ZFHX3: variants seen among roughly 807,000 people sequenced by gnomAD.
ZFHX3 encodes the protein zinc finger homeobox protein 3.
In ZFHX3, 42 loss-of-function variants were observed where a neutral mutation model predicts 279.1. The ratio of observed to expected loss-of-function variants is 0.15; its 90% CI spans 0.12 to 0.19. The LOEUF (loss-of-function observed/expected upper bound fraction) is 0.19, where lower values mean the gene tolerates loss of function less well. Among genes scored for constraint, ZFHX3 ranks in the 10% least tolerant of loss-of-function variants. The pLI is 1.00. For missense variants in ZFHX3, 4,981 were observed against 4,754.0 expected (o/e 1.05, Z -1.40); for synonymous variants, 2,293 against 1,957.8 (o/e 1.17, Z -4.52).
chr16:73,197,935 T>TTTG (rs1214998871), intron 5 of ZFHX3, among the ~76,000 whole-genome samples: 1 of 130,338 alleles, frequency 7.7e-6, no homozygotes, highest in Non-Finnish European at 1.6e-5. Context: ...TTTTTTTTTT[T>TTTG]TTTTTTTTTT....
At chr16:73,333,981 G>T (rs2015857412) in intron 3 of ZFHX3, among the ~76,000 whole-genome samples, 1 of 152,138 alleles carries the variant, frequency 6.6e-6, no homozygotes, top group Non-Finnish European at 1.5e-5. Flanking sequence ...TCTAGTCTGG[G>T]ATGCTGGTTT....
At chr16:73,604,266 TC>T (rs2052155070) in intron 2 of ZFHX3, among the ~76,000 whole-genome samples, 1 of 151,958 alleles carries the variant, frequency 6.6e-6, no homozygotes, top group African/African-American at 2.4e-5. Flanking sequence ...CCCCATTTTT[TC>T]CCCCTAGTTT....
chr16:72,869,266 G>T (rs1357406731), intron 4 of ZFHX3, among the ~76,000 whole-genome samples: 1 of 152,162 alleles, frequency 6.6e-6, no homozygotes, highest in African/African-American at 2.4e-5. Context: ...TCCCTTCTGT[G>T]AGCTCTTGCA....
At chr16:72,937,979 C>T (rs1037938374) in intron 3 of ZFHX3, among the ~76,000 whole-genome samples, 1 of 152,218 alleles carries the variant, frequency 6.6e-6, no homozygotes, top group African/African-American at 2.4e-5. Flanking sequence ...AACGGATAAC[C>T]ACCTGCTGAT....
At chr16:73,832,915 C>A (rs1166087100) in intron 1 of ZFHX3, among the ~76,000 whole-genome samples, 5 of 152,132 alleles carry the variant, frequency 3.3e-5, no homozygotes. Flanking sequence ...ATTTTGAAAT[C>A]ATGAGGCAGG....
intron 4 of ZFHX3, among the ~76,000 whole-genome samples, chr16:72,883,623 T>C (rs551945801): frequency 1.3e-5 from 2 of 152,378 alleles, no homozygotes; most frequent in East Asian, 1.9e-4. Context: ...TCTCTTTTCA[T>C]GTTCATACAT....
At chr16:72,874,242 T>C (rs2038246069) in intron 4 of ZFHX3, among the ~76,000 whole-genome samples, 1 of 138,060 alleles carries the variant, frequency 7.2e-6, no homozygotes. Flanking sequence ...AGTCTCACTC[T>C]GTCGCTCAGC....
At chr16:73,214,843 C>CATTTTTTTTTTTTTTTTTT (rs781227170) in intron 5 of ZFHX3, among the ~76,000 whole-genome samples, 1 of 79,250 alleles carries the variant, frequency 1.3e-5, no homozygotes, top group Non-Finnish European at 2.2e-5. Context: ...TGCTGAAGGC[C>CATTTTTTTTTTTTTTTTTT]TTTTTTTTTT....
At chr16:72,823,221 G>A (rs2036843524) in intron 5 of ZFHX3, among the ~76,000 whole-genome samples, 1 of 152,176 alleles carries the variant, frequency 6.6e-6, no homozygotes, top group African/African-American at 2.4e-5. Flanking sequence ...CCACAAAGGG[G>A]CCACGCAAAA....
chr16:73,010,104 G>A (rs1452866406), intron 1 of ZFHX3, among the ~76,000 whole-genome samples: 1 of 150,852 alleles, frequency 6.6e-6, no homozygotes, highest in African/African-American at 2.4e-5. Flanking sequence ...ACGGAGGCAC[G>A]CCCCATGGGA....
chr16:73,730,147 G>A (rs924140443), intron 1 of ZFHX3, among the ~76,000 whole-genome samples: 1 of 152,152 alleles, frequency 6.6e-6, no homozygotes, highest in Middle Eastern at 3.4e-3. Flanking sequence ...CTACTTTTCT[G>A]ACTCTCCACA....
chr16:72,940,528 C>T (rs751619407), intron 3 of ZFHX3, among the ~76,000 whole-genome samples: 6 of 152,104 alleles, frequency 3.9e-5, no homozygotes, highest in South Asian at 2.1e-4. Context: ...CGGTGTGACA[C>T]GTGCCACCAA....
At chr16:73,158,468 T>C (rs1967150528) in intron 5 of ZFHX3, among the ~76,000 whole-genome samples, 1 of 152,178 alleles carries the variant, frequency 6.6e-6, no homozygotes, top group South Asian at 2.1e-4. Context: ...TTCTCTTTTC[T>C]CTTCTTTCTT....
chr16:73,138,749 A>G (rs1333402192), intron 6 of ZFHX3, among the ~76,000 whole-genome samples: 3 of 152,038 alleles, frequency 2.0e-5, no homozygotes, highest in Admixed American at 6.6e-5. Flanking sequence ...GTGCAGTGGC[A>G]TGATCATGGC....
In ZFHX3 at chr16:72,788,099, G is replaced by C; in HGVS notation, c.10177C>G (p.Gln3393Glu). 6.2e-7 allele frequency: 1 copy of C among 1,608,654 alleles called. No homozygotes were observed. The highest frequency in any genetic ancestry group is 8.5e-7 in the Non-Finnish European group (1 of 1,176,904). The change falls in exon 10 of 10, where the codon CAG becomes GAG. Residue 3393 changes from glutamine to glutamate, a missense_variant. This residue lies in a region of ZFHX3 where 1,034 missense variants were observed against 786.0 expected (regional missense o/e 1.32). Transcript: ENST00000268489. The stretch of plus-strand genomic sequence containing the variant: ...GTTTGGCTTGCTTTGGGCTGCTGCT[G>C]CTGCACTTTTTGCTGCTGCTGCTGC... ...LQQQQQQKVQ[Q>E]QQPKASQTPV...
At chr16:73,351,255 A>C (rs1394166615) in intron 3 of ZFHX3, among the ~76,000 whole-genome samples, 1 of 152,212 alleles carries the variant, frequency 6.6e-6, no homozygotes, top group Non-Finnish European at 1.5e-5. Context: ...GCCTTCGTTC[A>C]AGTGTCAACC....
At chr16:73,579,873 T>TATATATATATATATATAC (rs879701579) in intron 2 of ZFHX3, among the ~76,000 whole-genome samples, 1 of 145,436 alleles carries the variant, frequency 6.9e-6, no homozygotes, top group African/African-American at 2.6e-5. Flanking sequence ...TATATATATA[T>TATATATATATATATATAC]ACATACACAC....
In ZFHX3 at chr16:72,787,911, G is replaced by A. The variant is rs370543300; in HGVS notation, c.10365C>T (p.Pro3455=). ...ESKSADSLYD[P]FIVPKVQYKL... ...TGTACTGCACCTTTGGAACAATGAAGGGGTCGTAGAGGGAGTCCGCACTTT... is the reference window on the plus strand; with the variant it reads ...TGTACTGCACCTTTGGAACAATGAAAGGGTCGTAGAGGGAGTCCGCACTTT... Residue 3455 remains proline, a synonymous_variant, in exon 10 of 10, where the codon CCC becomes CCT. Transcript: ENST00000268489. 4.3e-6 allele frequency: 7 copies of A among 1,613,974 alleles called. No homozygotes were observed. Among genetic ancestry groups the A allele is most frequent in the Non-Finnish European group, 2.5e-6 (3 of 1,180,014 alleles).
At chr16:73,066,800 G>A (rs562528361) in intron 8 of ZFHX3, among the ~76,000 whole-genome samples, 1 of 152,202 alleles carries the variant, frequency 6.6e-6, no homozygotes, top group Admixed American at 6.5e-5. Flanking sequence ...GGGACTGCTG[G>A]TGGTTCCCTT....
Sources: gnomAD v4.1 joint callset for allele counts (sites outside exome capture counted in the v4.1 genomes callset) on GRCh38, gnomAD v4.1.1 for gene constraint, gnomAD v4.1.1 regional missense constraint, MANE v1.5 for transcripts, NCBI Gene and HGNC (gene_info 2026-07-23, HGNC 2026-07-21) for gene names.